Variants in USP21 observed in about 807,000 individuals in gnomAD.
USP21 encodes the protein ubiquitin specific peptidase 21, also known as ubiquitin carboxyl-terminal hydrolase 21.
USP21 carries 37 observed loss-of-function variants against 70.8 expected under a neutral mutation model. The observed-to-expected ratio is 0.52, with a 90% confidence interval of 0.40 to 0.69. USP21 has a LOEUF of 0.69. USP21 is among the 30% of genes least tolerant of loss of function. The pLI is 0.00. For synonymous variants in USP21, 263 were observed against 283.1 expected, an observed-to-expected ratio of 0.93 and a Z score of 0.71; for missense variants, 584 against 740.8, an observed-to-expected ratio of 0.79 and a Z score of 2.46.
rs1002706050 is a variant in USP21, at chr1:161,165,138, C to T, written c.1602C>T (p.Asp534=). The change falls in exon 13 of 14, where the codon GAC becomes GAT. Residue 534 remains aspartate (D), a synonymous_variant. Coordinates refer to ENST00000368002, the MANE Select transcript of USP21 (RefSeq NM_001014443.3). ...AGACTGGTTGGCATGTCTACAATGA[C>T]TCTCGGTGAGAATAGCCTCCTATTT... ...RCQTGWHVYN[D]SRVSPVSENQ... 2 of 1,613,352 alleles carry T rather than the reference C, an allele frequency of 1.2e-6. No individual in the cohort carries two copies. The highest frequency in any genetic ancestry group is 1.3e-5 in the African/African-American group (1 of 74,890).
chr1:161,163,105 C>T (rs373820695), intron 7 of USP21, 31 bp downstream of exon 7: 25 of 1,555,858 alleles, frequency 1.6e-5, no homozygotes, highest in Admixed American at 2.0e-5. Flanking sequence ...CTCCTTTCCC[C>T]GTAGTTTATC....
In USP21 at chr1:161,162,784, G is replaced by A. The variant is rs1658036914; in HGVS notation, c.893+58G>A. 5 of 1,569,966 alleles carry A rather than the reference G, an allele frequency of 3.2e-6. No individual in the cohort carries two copies. The highest frequency in any genetic ancestry group is 4.4e-6 in the Non-Finnish European group (5 of 1,140,268). The stretch of plus-strand genomic sequence containing the variant: ...TGGCCATGTCTGGGGGTAGGGCCAA[G>A]CAAGGGCCCTGGCAGCATTGTTCTG... On this transcript the variant is annotated intron_variant, in intron 6 of 13. Transcript: ENST00000368002. This position sits in a 1 kb window ranked among gnomAD's most constrained non-coding sequence, Gnocchi z 4.1.
In USP21 at chr1:161,164,024, T is replaced by C; in HGVS notation, c.1218+43T>C. 2 of 1,604,336 alleles carry C rather than the reference T, an allele frequency of 1.2e-6. No individual in the cohort carries two copies. Among genetic ancestry groups the C allele is most frequent in the Non-Finnish European group, 8.5e-7 (1 of 1,171,210 alleles). On this transcript the variant is annotated intron_variant, in intron 9 of 13. Transcript: ENST00000368002. The surrounding 1 kb of genome is among the most constrained non-coding windows in gnomAD (Gnocchi z 4.2). ...TCCGGGGTGGACAGGACAGGGGCTC[T>C]GTGACCCAAGCCTACCCACCCCCAG...
rs768093328 is a variant in USP21, at chr1:161,162,070, T to C, written c.633T>C (p.His211=). The C allele has an allele frequency of 1.8e-5, 29 of 1,614,148 alleles. No individual in the cohort carries two copies. Among genetic ancestry groups the C allele is most frequent in the East Asian group, 4.5e-5 (2 of 44,884 alleles). Residue 211 remains histidine (H), a synonymous_variant, in exon 4 of 14, where the codon CAT becomes CAC. Transcript: ENST00000368002. This position sits in a 1 kb window ranked among gnomAD's most constrained non-coding sequence, Gnocchi z 4.1. ...AHHTLLLGSG[H]VGLRNLGNTC... ...ACACACTCCTTCTGGGCTCTGGTCA[T>C]GTTGGCCTTCGAAACCTGGGAAACA...
rs557997197 is a variant in USP21, at chr1:161,164,059, G to C, written c.1218+78G>C. The C allele has an allele frequency of 6.3e-7, 1 of 1,577,958 alleles. No homozygotes were observed. Among genetic ancestry groups the C allele is most frequent in the Admixed American group, 1.7e-5 (1 of 59,586 alleles). ...GCCTACCCACCCCCAGAGTGTGGGC[G>C]GGAACCCTGTGGGTTTCTGGAGCAG... On this transcript the variant is annotated intron_variant, in intron 9 of 13. Coordinates refer to ENST00000368002, the MANE Select transcript of USP21 (RefSeq NM_001014443.3). The surrounding 1 kb of genome is among the most constrained non-coding windows in gnomAD (Gnocchi z 4.2).
At position 161,162,703 on chromosome 1, in the gene USP21, T is replaced by C. The variant is rs1658029941; in HGVS notation, c.870T>C (p.Tyr290=). ...GATTCCGAGCTGTCTTCCAGAAATA[T>C]GTTCCCTCCTTCTCTGGATACAGGT... ...PTRFRAVFQK[Y]VPSFSGYSQQ... is the part of the protein sequence containing the mutation. Residue 290 remains tyrosine, a synonymous_variant, in exon 6 of 14, where the codon TAT becomes TAC. Transcript: ENST00000368002. This position sits in a 1 kb window ranked among gnomAD's most constrained non-coding sequence, Gnocchi z 4.1. 2 of 1,613,750 alleles carry C rather than the reference T, an allele frequency of 1.2e-6. No homozygotes were observed. Among genetic ancestry groups the C allele is most frequent in the African/African-American group, 2.7e-5 (2 of 74,936 alleles).
In USP21 at chr1:161,163,712, A is replaced by G. The variant is rs1243334009; in HGVS notation, c.1114+93A>G. On this transcript the variant is annotated intron_variant, in intron 8 of 13. Coordinates refer to ENST00000368002, the MANE Select transcript of USP21 (RefSeq NM_001014443.3). ...ATCGATACTATCAAGGGGTATGGGA[A>G]CAAGACTGGATGATGCAAATGTGAA... is the stretch of plus-strand genomic sequence containing the variant. 56 of 1,422,298 alleles carry G rather than the reference A, an allele frequency of 3.9e-5. No homozygotes were observed. In the East Asian group the frequency reaches 1.2e-3, roughly 31 times the overall value. The allele number at this position is 1,422,298 out of a possible 1,614,324, so 88.1% of individuals were successfully genotyped here. A position where few individuals can be genotyped will look rare whatever the true frequency, so the allele number is the denominator to read the frequency against.
rs1658015517 is a variant in USP21 at position 161,162,580 on chromosome 1, A to AC, written c.782-33dup. 6.4e-7 allele frequency: 1 copy of AC among 1,569,720 alleles called. No individual in the cohort carries two copies. The highest frequency in any genetic ancestry group is 1.7e-5 in the Admixed American group (1 of 59,684). On this transcript the variant is annotated intron_variant, in intron 5 of 13. Coordinates refer to ENST00000368002, the MANE Select transcript of USP21 (RefSeq NM_001014443.3). This position sits in a 1 kb window ranked among gnomAD's most constrained non-coding sequence, Gnocchi z 4.1. ...TTTTGCTTGCCTCTTCCAGACATTA[A>AC]CCTTTGTTTGCCTTCCCCACTCCCA...
chr1:161,160,507 G>A lies in USP21; in HGVS notation c.-22+1G>A, dbSNP rs1006149362. ...AAATGAGAGGACAGCAAGATTGTGG[G>A]TATGGAATGGGGCAAAGCAATAAGG... is the stretch of plus-strand genomic sequence containing the variant. On this transcript the variant is annotated splice_donor_variant, in intron 2 of 13. Coordinates refer to ENST00000368002, the MANE Select transcript of USP21 (RefSeq NM_001014443.3). LOFTEE classifies it low-confidence loss of function (5UTR_SPLICE). The A allele has an allele frequency of 1.9e-5, 21 of 1,108,698 alleles. No homozygotes were observed. Among genetic ancestry groups the A allele is most frequent in the Non-Finnish European group, 2.5e-5 (19 of 755,066 alleles). 68.7% of individuals were successfully genotyped at this position (1,108,698 alleles called of 1,614,324 possible).
chr1:161,162,675 C>T lies in USP21; in HGVS notation c.842C>T (p.Thr281Ile). Residue 281 changes from threonine to isoleucine, a missense_variant, in exon 6 of 14, where the codon ACT becomes ATT. Around this residue, in one of 4 missense-constraint regions of USP21, gnomAD observed 87 missense variants for 162.4 expected, o/e 0.54. Transcript: ENST00000368002. The surrounding 1 kb of genome is among the most constrained non-coding windows in gnomAD (Gnocchi z 4.1). ...HPDSCEAVNP[T>I]RFRAVFQKYV... is the part of the protein sequence containing the mutation. ...GACTCCTGCGAAGCTGTGAATCCTA[C>T]TCGATTCCGAGCTGTCTTCCAGAAA... 3 of 1,614,192 alleles carry T rather than the reference C, an allele frequency of 1.9e-6. No individual in the cohort carries two copies. Among genetic ancestry groups the T allele is most frequent in the Non-Finnish European group, 1.7e-6 (2 of 1,179,996 alleles).
rs1400698563 is a variant in USP21, at chr1:161,162,744, T to A, written c.893+18T>A. On this transcript the variant is annotated intron_variant, in intron 6 of 13. Coordinates refer to ENST00000368002, the MANE Select transcript of USP21 (RefSeq NM_001014443.3). This position sits in a 1 kb window ranked among gnomAD's most constrained non-coding sequence, Gnocchi z 4.1. ...GGATACAGGTGGGAGAGCTGGAGGCTATGGGATTTCTCTCTGGCCATGTCT... is the reference window on the plus strand; with the variant it reads ...GGATACAGGTGGGAGAGCTGGAGGCAATGGGATTTCTCTCTGGCCATGTCT... 2 of 1,602,248 alleles carry A rather than the reference T, an allele frequency of 1.2e-6. No individual in the cohort carries two copies. Among genetic ancestry groups the A allele is most frequent in the Non-Finnish European group, 1.7e-6 (2 of 1,169,126 alleles).
rs939377771 is a variant in USP21, at chr1:161,165,642, A to G, written c.*195A>G. The stretch of plus-strand genomic sequence containing the variant: ...CCCTTGTCTCCCAGCCCCATGTACA[A>G]AGCTCACCAAGCCCCTGCCCATGTA... On this transcript the variant is annotated 3_prime_UTR_variant, in exon 14 of 14. Coordinates refer to ENST00000368002, the MANE Select transcript of USP21 (RefSeq NM_001014443.3). The G allele has an allele frequency of 3.6e-6, 2 of 557,742 alleles. No homozygotes were observed. The highest frequency in any genetic ancestry group is 6.1e-5 in the Admixed American group (2 of 32,924). 34.5% of individuals were successfully genotyped at this position (557,742 alleles called of 1,614,324 possible). A position where few individuals can be genotyped will look rare whatever the true frequency, so the allele number is the denominator to read the frequency against.
chr1:161,164,741 G>T lies in USP21; in HGVS notation c.1385-94G>T. On this transcript the variant is annotated intron_variant, in intron 11 of 13. Transcript: ENST00000368002. This position sits in a 1 kb window ranked among gnomAD's most constrained non-coding sequence, Gnocchi z 4.2. ...CCCACTTTTCCACAAGATGCTCCCA[G>T]TGTGTCGGGAGTGGGGAGAGGACAG... is the stretch of plus-strand genomic sequence containing the variant. 4 of 1,599,320 alleles carry T rather than the reference G, an allele frequency of 2.5e-6. No homozygotes were observed. Among genetic ancestry groups the T allele is most frequent in the Non-Finnish European group, 2.6e-6 (3 of 1,171,074 alleles).
Position 161,161,416 on chromosome 1 carries a change from G to A in USP21, c.600+176G>A, listed in dbSNP as rs562902298. On this transcript the variant is annotated intron_variant, in intron 3 of 13. Coordinates refer to ENST00000368002, the MANE Select transcript of USP21 (RefSeq NM_001014443.3). This position sits in a 1 kb window ranked among gnomAD's most constrained non-coding sequence, Gnocchi z 4.2. ...CCTTGAGCCTCCTAGACCCTTTTTT[G>A]GGTTGTTGGTGACTCTTCAGCATGG... The A allele has an allele frequency of 2.6e-6, 2 of 780,426 alleles. No individual in the cohort carries two copies. Among genetic ancestry groups the A allele is most frequent in the African/African-American group, 1.7e-5 (1 of 57,280 alleles). 48.3% of individuals were successfully genotyped at this position (780,426 alleles called of 1,614,324 possible). A position where few individuals can be genotyped will look rare whatever the true frequency, so the allele number is the denominator to read the frequency against.
chr1:161,162,775 T>C lies in USP21; in HGVS notation c.893+49T>C. Reference sequence around the variant, plus strand: ...ATTTCTCTCTGGCCATGTCTGGGGGTAGGGCCAAGCAAGGGCCCTGGCAGC... The same window carrying C: ...ATTTCTCTCTGGCCATGTCTGGGGGCAGGGCCAAGCAAGGGCCCTGGCAGC... On this transcript the variant is annotated intron_variant, in intron 6 of 13. Coordinates refer to ENST00000368002, the MANE Select transcript of USP21 (RefSeq NM_001014443.3). The surrounding 1 kb of genome is among the most constrained non-coding windows in gnomAD (Gnocchi z 4.1). The C allele has an allele frequency of 1.3e-6, 2 of 1,576,390 alleles. No homozygotes were observed. Among genetic ancestry groups the C allele is most frequent in the Admixed American group, 1.7e-5 (1 of 59,894 alleles).
rs747668831 is a variant in USP21 at position 161,164,651 on chromosome 1, C to T, written c.1384+39C>T. ...CAGATTCTTACTTCTCTTAGGATAC[C>T]TCCCATACATTCTCTTTCCTCCATG... On this transcript the variant is annotated intron_variant, in intron 11 of 13. Transcript: ENST00000368002. This position sits in a 1 kb window ranked among gnomAD's most constrained non-coding sequence, Gnocchi z 4.2. The T allele has an allele frequency of 1.2e-6, 2 of 1,613,160 alleles. No individual in the cohort carries two copies. The highest frequency in any genetic ancestry group is 1.3e-5 in the African/African-American group (1 of 74,894).
chr1:161,165,123 G>A lies in USP21; in HGVS notation c.1587G>A (p.Trp529Ter), dbSNP rs1658478891. Residue 529 changes from tryptophan to a stop codon, truncating the protein, a stop_gained, in exon 13 of 14, where the codon TGG (tryptophan) becomes TGA (stop). Transcript: ENST00000368002. LOFTEE classifies it high-confidence loss of function. ...YTALCRCQTG[W>*]HVYNDSRVSP... ...CCCTGTGCCGGTGCCAGACTGGTTG[G>A]CATGTCTACAATGACTCTCGGTGAG... The A allele has an allele frequency of 6.2e-7, 1 of 1,613,662 alleles. No individual in the cohort carries two copies. Among genetic ancestry groups the A allele is most frequent in the African/African-American group, 1.3e-5 (1 of 74,814 alleles).
chr1:161,163,357 CCTTT>C (rs752882740), intron 7 of USP21, among the ~76,000 whole-genome samples, 194 bp from the exon 8 acceptor site: 44 of 152,258 alleles, frequency 2.9e-4, no homozygotes, highest in Middle Eastern at 3.4e-3. Context: ...TATGTACATT[CCTTT>C]CTTTTCCTCT....
chr1:161,163,055 C>T lies in USP21; in HGVS notation c.1030C>T (p.Leu344=). Residue 344 remains leucine, a synonymous_variant, in exon 7 of 14, where the codon CTA becomes TTA. Transcript: ENST00000368002. ...PSPPRRGGAL[L]EEPELSDDDR... is the part of the protein sequence containing the mutation. Reference sequence around the variant, plus strand: ...TCCACCCCGCCGAGGAGGGGCTCTGCTAGAAGAACCTGAGTTAAGGTAAGG... The same window carrying T: ...TCCACCCCGCCGAGGAGGGGCTCTGTTAGAAGAACCTGAGTTAAGGTAAGG... 1.2e-6 allele frequency: 2 copies of T among 1,606,720 alleles called. No individual in the cohort carries two copies. Among genetic ancestry groups the T allele is most frequent in the Non-Finnish European group, 1.7e-6 (2 of 1,177,370 alleles).
Sources: gnomAD v4.1 joint callset for allele counts (sites outside exome capture counted in the v4.1 genomes callset) on GRCh38, gnomAD v4.1.1 for gene constraint, gnomAD v4.1.1 regional missense constraint, Gnocchi (gnomAD v3.1) non-coding constraint, MANE v1.5 for transcripts, NCBI Gene and HGNC (gene_info 2026-07-23, HGNC 2026-07-21) for gene names.